Variants in COL28A1 observed in about 807,000 individuals in gnomAD.
COL28A1 encodes the protein collagen type XXVIII alpha 1 chain.
Under a neutral mutation model 150.2 loss-of-function variants are expected in COL28A1, and 161 were observed. The observed-to-expected ratio is 1.07, with a 90% CI of 0.94 to 1.22. The LOEUF (loss-of-function observed/expected upper bound fraction) is 1.22. Among genes scored for constraint, COL28A1 ranks in the 50% most tolerant of loss-of-function variants. COL28A1 has a pLI of 0.00. For missense variants in COL28A1, 1,617 were observed against 1,388.3 expected (o/e 1.16, Z -2.62); for synonymous variants, 552 against 469.7 (o/e 1.18, Z -2.26).
intron 27 of COL28A1, among the ~76,000 whole-genome samples, chr7:7,383,250 TTGTGTGTGTGTG>T (rs368714766): frequency 4.7e-5 from 5 of 107,142 alleles, no homozygotes; most frequent in African/African-American, 1.0e-4. Context: ...CTTTTTTTTG[TTGTGTGTGTGTG>T]TGTGTGTGTG....
At chr7:7,383,251 T>A (rs1054114393) in intron 27 of COL28A1, among the ~76,000 whole-genome samples, 3 of 69,654 alleles carry the variant, frequency 4.3e-5, no homozygotes, top group African/African-American at 2.1e-4. Flanking sequence ...TTTTTTTTGT[T>A]GTGTGTGTGT....
chr7:7,450,086 T>C (rs566163508), intron 18 of COL28A1, among the ~76,000 whole-genome samples: 1 of 152,104 alleles, frequency 6.6e-6, no homozygotes, highest in African/African-American at 2.4e-5. Flanking sequence ...AATAGACAAA[T>C]GGAGTAGAAT....
intron 18 of COL28A1, among the ~76,000 whole-genome samples, chr7:7,448,857 T>G (rs183862332): frequency 3.3e-5 from 5 of 152,172 alleles, no homozygotes; most frequent in Admixed American, 2.0e-4. Context: ...TATCATATAG[T>G]ATATAATTCC....
At chr7:7,391,437 G>A (rs1268207603) in intron 27 of COL28A1, among the ~76,000 whole-genome samples, 1 of 152,172 alleles carries the variant, frequency 6.6e-6, no homozygotes, top group Non-Finnish European at 1.5e-5. Flanking sequence ...GTAGTGCTGA[G>A]AAGAATGCAT....
intron 8 of COL28A1, 103 bp from the exon 9 acceptor site, chr7:7,511,238 C>A: frequency 1.1e-6 from 1 of 876,868 alleles, no homozygotes; most frequent in Non-Finnish European, 1.8e-6. Context: ...ACTCTTGTAA[C>A]ATAAGCACTC....
intron 18 of COL28A1, among the ~76,000 whole-genome samples, chr7:7,445,469 T>A (rs1786180529): frequency 6.6e-6 from 1 of 152,188 alleles, no homozygotes; most frequent in Non-Finnish European, 1.5e-5. Flanking sequence ...GACAATAAAT[T>A]TCTGTTGTAT....
chr7:7,345,807 A>G, the COL28A1 span, among the ~76,000 whole-genome samples: 4 of 152,078 alleles, frequency 2.6e-5, no homozygotes, highest in Admixed American at 1.3e-4. Flanking sequence ...CAGCTTGACA[A>G]TGATGTGGCT....
At chr7:7,535,382 G>A (rs886547223) in intron 1 of COL28A1, among the ~76,000 whole-genome samples, 1 of 152,156 alleles carries the variant, frequency 6.6e-6, no homozygotes, top group African/African-American at 2.4e-5. Context: ...AATAGAAAAT[G>A]ATTGAATAAA....
At chr7:7,483,069 G>C (rs896144324) in intron 13 of COL28A1, among the ~76,000 whole-genome samples, 27 of 152,174 alleles carry the variant, frequency 1.8e-4, no homozygotes, top group African/African-American at 6.5e-4. Flanking sequence ...CTTAAGATGG[G>C]ATGGTTCGAC....
At chr7:7,490,552 G>A in intron 12 of COL28A1, 26 bp downstream of exon 12, 1 of 987,260 alleles carries the variant, frequency 1.0e-6, no homozygotes, top group Non-Finnish European at 1.6e-6. Context: ...ACAGTCATCA[G>A]TGGGCAAAAA....
chr7:7,342,057 T>C, the COL28A1 span, among the ~76,000 whole-genome samples: 1 of 152,146 alleles, frequency 6.6e-6, no homozygotes, highest in Admixed American at 6.5e-5. Flanking sequence ...ACTGTGATTT[T>C]GGCTCCGCCT....
chr7:7,531,176 G>C (rs1782329516), intron 3 of COL28A1, among the ~76,000 whole-genome samples, 172 bp downstream of exon 3: 1 of 152,166 alleles, frequency 6.6e-6, no homozygotes, highest in African/African-American at 2.4e-5. Context: ...AGATTGTCTG[G>C]AGTAAACTGC....
At position 7,454,371 on chromosome 7, in the gene COL28A1, T is replaced by C. The variant is rs139562715; in HGVS notation, c.1372-863A>G. Among the ~76,000 whole-genome samples the C allele has an allele frequency of 1.6e-3, 249 of 152,314 alleles. 1 individual carries two copies. The highest frequency in any genetic ancestry group is 5.8e-3 in the African/African-American group (242 of 41,578). On this transcript the variant is annotated intron_variant, in intron 16 of 34. Transcript: ENST00000399429. ...TGCATAGACAGAGGTTAAATTTAAGTAGAATTTATATCATTTGTCTTAAAA... is the reference window on the plus strand; with the variant it reads ...TGCATAGACAGAGGTTAAATTTAAGCAGAATTTATATCATTTGTCTTAAAA...
chr7:7,373,694 C>A lies in COL28A1; in HGVS notation c.2360-148G>T. On this transcript the variant is annotated intron_variant, in intron 31 of 34. Coordinates refer to ENST00000399429, the MANE Select transcript of COL28A1 (RefSeq NM_001037763.3). The surrounding 1 kb of genome is among the most constrained non-coding windows in gnomAD (Gnocchi z 4.1). ...TGTGAAAATACCTGACAGCTGTCTC[C>A]ATTCTGGTTTCTTTTTTTTTTTGTG... 1 of 655,876 alleles carries A rather than the reference C, an allele frequency of 1.5e-6. No homozygotes were observed. The highest frequency in any genetic ancestry group is 2.9e-5 in the East Asian group (1 of 34,684). 40.6% of individuals were successfully genotyped at this position (655,876 alleles called of 1,614,324 possible). A position where few individuals can be genotyped will look rare whatever the true frequency, so the allele number is the denominator to read the frequency against.
chr7:7,345,535 C>A, the COL28A1 span, among the ~76,000 whole-genome samples: 2 of 151,950 alleles, frequency 1.3e-5, no homozygotes, highest in African/African-American at 4.8e-5. Context: ...TACCTATCTA[C>A]TGGAAAATAA....
the COL28A1 span, among the ~76,000 whole-genome samples, chr7:7,338,868 T>C: frequency 1.0e-2 from 1,517 of 152,222 alleles, 20 homozygotes; most frequent in African/African-American, 0.029. Flanking sequence ...CAATTCATGA[T>C]GAGGCCTCAA....
rs201662547 is a variant in COL28A1, at chr7:7,373,178, G to A, written c.2728C>T (p.Arg910Cys). ...LVITDGQTDS[R>C]DKEKLTEVVK... ...ACCTCTGTCAGTTTCTCTTTATCAC[G>A]AGAATCTGTCTGTCCATCAGTGATG... Residue 910 changes from arginine (R) to cysteine (C), a missense_variant, in exon 32 of 35, where the codon CGT becomes TGT. Physicochemically the swap from Arg to Cys is radical, Grantham distance 180. Transcript: ENST00000399429. The surrounding 1 kb of genome is among the most constrained non-coding windows in gnomAD (Gnocchi z 4.1). 4.6e-5 allele frequency: 75 copies of A among 1,614,040 alleles called. No individual in the cohort carries two copies. The highest frequency in any genetic ancestry group is 3.8e-4 in the South Asian group (35 of 91,070).
chr7:7,501,651 G>A (rs113503261), intron 11 of COL28A1, among the ~76,000 whole-genome samples: 3,744 of 152,204 alleles, frequency 0.025, 146 homozygotes, highest in African/African-American at 0.084. Context: ...GACTTGAAAG[G>A]CCTACCAATC....
intron 34 of COL28A1, 136 bp from the exon 35 acceptor site, chr7:7,358,941 AAGTG>A (rs764680203): frequency 1.9e-4 from 119 of 630,066 alleles, no homozygotes; most frequent in Non-Finnish European, 2.7e-4. Flanking sequence ...GGTTCTAAGT[AAGTG>A]AAAGAAGGAT....
Sources: gnomAD v4.1 joint callset for allele counts (sites outside exome capture counted in the v4.1 genomes callset) on GRCh38, gnomAD v4.1.1 for gene constraint, Gnocchi (gnomAD v3.1) non-coding constraint, MANE v1.5 for transcripts, NCBI Gene and HGNC (gene_info 2026-07-23, HGNC 2026-07-21) for gene names.